RGS6: variants seen among roughly 807,000 people sequenced by gnomAD.
RGS6 encodes the protein regulator of G-protein signaling 6.
RGS6 carries 30 observed loss-of-function variants against 78.5 expected under a neutral mutation model. The ratio of observed to expected loss-of-function variants is 0.38; its 90% CI spans 0.29 to 0.52. The LOEUF (loss-of-function observed/expected upper bound fraction) is 0.52, where lower values mean the gene tolerates loss of function less well. RGS6 is among the 20% of genes least tolerant of loss of function. The probability of loss-of-function intolerance (pLI) is 0.85; values close to 1 mark genes in which losing one functional copy is unlikely to be tolerated. For synonymous variants in RGS6, 206 were observed against 206.0 expected (o/e 1.00, Z 0.00); for missense variants, 495 against 609.7 (o/e 0.81, Z 1.98).
At position 72,201,951 on chromosome 14, in the gene RGS6, AC is replaced by A. The variant is rs2041675532; in HGVS notation, c.85-150141del. ...ACCCTTGGTCTAGAGTAAACTGAAC[AC>A]CCATAAAAAGTAAAAACAACATTAT... On this transcript the variant is annotated intron_variant, in intron 2 of 17. Transcript: ENST00000553525. 2.6e-5 allele frequency among the ~76,000 whole-genome samples: 4 copies of A among 152,280 alleles called. No individual in the cohort carries two copies. The South Asian group carries it at 8.3e-4, about 32-fold the overall frequency.
At chr14:72,378,545 C>T (rs1391739512) in intron 3 of RGS6, among the ~76,000 whole-genome samples, 1 of 151,820 alleles carries the variant, frequency 6.6e-6, no homozygotes, top group Non-Finnish European at 1.5e-5. Flanking sequence ...TACAAAGGAT[C>T]GTTAGAGACT....
At chr14:72,273,745 A>G (rs1278408122) in intron 2 of RGS6, among the ~76,000 whole-genome samples, 1 of 152,240 alleles carries the variant, frequency 6.6e-6, no homozygotes, top group Non-Finnish European at 1.5e-5. Context: ...TAGTTGCTCA[A>G]GAAAGATCTT....
At chr14:72,160,449 G>A (rs193084903) in intron 2 of RGS6, among the ~76,000 whole-genome samples, 1 of 152,260 alleles carries the variant, frequency 6.6e-6, no homozygotes, top group Non-Finnish European at 1.5e-5. Context: ...ATATTAAGTG[G>A]AGAAAAACTC....
chr14:71,874,700 A>G, the RGS6 span, among the ~76,000 whole-genome samples: 3 of 152,198 alleles, frequency 2.0e-5, no homozygotes, highest in Admixed American at 2.0e-4. Flanking sequence ...GTGGTGAGAG[A>G]GGGCATCCCT....
At chr14:72,288,601 A>G (rs756061722) in intron 2 of RGS6, among the ~76,000 whole-genome samples, 5 of 152,146 alleles carry the variant, frequency 3.3e-5, no homozygotes, top group Middle Eastern at 3.2e-3. Context: ...GGGAAACTAG[A>G]TGTATGTTGA....
chr14:72,540,433 AG>A, intron 17 of RGS6: 2 of 1,474,350 alleles, frequency 1.4e-6, no homozygotes, highest in Non-Finnish European at 1.8e-6. Flanking sequence ...GCAGCAGCTC[AG>A]GGAGAAGCCA....
At chr14:72,383,670 T>C (rs1248872832) in intron 3 of RGS6, among the ~76,000 whole-genome samples, 1 of 152,204 alleles carries the variant, frequency 6.6e-6, no homozygotes, top group East Asian at 1.9e-4. Flanking sequence ...GAGAACTTCA[T>C]CTTCAGTACT....
chr14:72,014,848 T>C (rs2086624441), intron 2 of RGS6, among the ~76,000 whole-genome samples: 3 of 152,208 alleles, frequency 2.0e-5, no homozygotes, highest in Admixed American at 1.3e-4. Flanking sequence ...CCCGTCTGCC[T>C]TCTCCCCTTT....
At chr14:72,024,778 G>A (rs986957171) in intron 2 of RGS6, among the ~76,000 whole-genome samples, 2 of 152,172 alleles carry the variant, frequency 1.3e-5, no homozygotes, top group Non-Finnish European at 2.9e-5. Flanking sequence ...CCCTTAGGTT[G>A]TGCTGTGATC....
chr14:72,580,179 T>C, the RGS6 span, among the ~76,000 whole-genome samples: 1 of 152,062 alleles, frequency 6.6e-6, no homozygotes, highest in African/African-American at 2.4e-5. Flanking sequence ...AGACGCAAAT[T>C]CCTCTCTGTG....
At chr14:72,027,245 G>A in intron 2 of RGS6, among the ~76,000 whole-genome samples, 1 of 152,064 alleles carries the variant, frequency 6.6e-6, no homozygotes, top group Non-Finnish European at 1.5e-5. Flanking sequence ...GTGTGTGTGT[G>A]TGCATGTGTG....
rs59274317 is a variant in RGS6, at chr14:72,001,895, C to CTTTTTTTT, written c.84+37038_84+37045dup. ...TTGAAGTGTTTAGACATCCATTAAT[C>CTTTTTTTT]TTTTTTTTTTTTTTTTTTTTTTTTT... On this transcript the variant is annotated intron_variant, in intron 2 of 17. Transcript: ENST00000553525. Among the ~76,000 whole-genome samples the CTTTTTTTT allele has an allele frequency of 4.6e-4, 43 of 92,524 alleles. 1 individual carries two copies. The highest frequency in any genetic ancestry group is 7.0e-4 in the African/African-American group (16 of 22,756). The allele number at this position is 92,524 out of a possible 152,430, so 60.7% of individuals were successfully genotyped here.
intron 2 of RGS6, among the ~76,000 whole-genome samples, chr14:72,341,449 T>C (rs8003591): frequency 0.47 from 70,741 of 152,048 alleles, 16,790 homozygotes; most frequent in South Asian, 0.6. Context: ...TAGTAACATG[T>C]ATAATACATA....
chr14:71,952,272 G>T (rs547464274), intron 1 of RGS6, among the ~76,000 whole-genome samples: 4 of 151,874 alleles, frequency 2.6e-5, no homozygotes, highest in African/African-American at 4.8e-5. Context: ...TACAAATACC[G>T]TTTATCAGAT....
intron 1 of RGS6, among the ~76,000 whole-genome samples, chr14:71,956,886 A>C (rs1354675750): frequency 6.6e-6 from 1 of 152,170 alleles, no homozygotes; most frequent in Non-Finnish European, 1.5e-5. Flanking sequence ...AGTGAAGGTG[A>C]AGCGAAGGGT....
chr14:72,027,763 T>C (rs2090152305), intron 2 of RGS6, among the ~76,000 whole-genome samples: 1 of 152,224 alleles, frequency 6.6e-6, no homozygotes, highest in South Asian at 2.1e-4. Flanking sequence ...AGTCATTACA[T>C]GTAAAGCTTC....
chr14:71,971,531 G>T (rs1040946646), intron 2 of RGS6, among the ~76,000 whole-genome samples: 3 of 152,106 alleles, frequency 2.0e-5, no homozygotes, highest in Non-Finnish European at 4.4e-5. Context: ...ATCCTTTTGG[G>T]CCTTGGGGTG....
chr14:72,259,148 T>A (rs1185949782), intron 2 of RGS6, among the ~76,000 whole-genome samples: 2 of 152,242 alleles, frequency 1.3e-5, no homozygotes, highest in African/African-American at 4.8e-5. Flanking sequence ...TGTCACCATT[T>A]GTTGGGATTT....
chr14:72,485,425 G>T (rs960907301), intron 12 of RGS6, among the ~76,000 whole-genome samples: 3 of 152,092 alleles, frequency 2.0e-5, no homozygotes, highest in African/African-American at 7.2e-5. Context: ...GACTGAAATG[G>T]TACTGTGCGT....
Sources: allele counts gnomAD v4.1 joint callset (sites outside exome capture counted in the v4.1 genomes callset), GRCh38; gene constraint gnomAD v4.1.1; transcripts MANE v1.5; gene names NCBI Gene and HGNC (gene_info 2026-07-23, HGNC 2026-07-21).